The following DAB2IP variants were observed in gnomAD, a reference collection of about 807,000 sequenced individuals.
DAB2IP encodes the protein DAB2 interacting protein, also known as disabled homolog 2-interacting protein.
Under a neutral mutation model 107.2 loss-of-function variants are expected in DAB2IP, and 28 were observed. That is an observed-to-expected ratio of 0.26 (90% confidence interval 0.19 to 0.36). The LOEUF (loss-of-function observed/expected upper bound fraction) is 0.36. Among genes scored for constraint, DAB2IP ranks in the 10% least tolerant of loss-of-function variants. The pLI, the probability that DAB2IP is intolerant of heterozygous loss-of-function variation, is 1.00. For synonymous variants in DAB2IP, 755 were observed against 706.4 expected, an observed-to-expected ratio of 1.07 and a Z score of -1.09; for missense variants, 1,400 against 1,644.7, an observed-to-expected ratio of 0.85 and a Z score of 2.57.
At chr9:121,650,011 TTTTG>T (rs1051848703), upstream of DAB2IP, among the ~76,000 whole-genome samples, 134 of 152,326 alleles carry the variant, frequency 8.8e-4, no homozygotes, top group African/African-American at 2.9e-3. Flanking sequence ...TGTGTGGTTT[TTTTG>T]TTTGTTTGTT....
At chr9:121,607,804 A>G (rs1353843229) in intron 1 of DAB2IP, among the ~76,000 whole-genome samples, 1 of 152,254 alleles carries the variant, frequency 6.6e-6, no homozygotes, top group Non-Finnish European at 1.5e-5. Flanking sequence ...ATAAATAAGC[A>G]GATGAATGAG....
intron 1 of DAB2IP, among the ~76,000 whole-genome samples, chr9:121,572,782 GA>G (rs371866815): frequency 4.0e-4 from 61 of 151,698 alleles, no homozygotes; most frequent in Non-Finnish European, 6.5e-4. Flanking sequence ...ACTCGTACAG[GA>G]GCGGGGGTTG....
intron 10 of DAB2IP, 107 bp downstream of exon 10, chr9:121,768,740 T>C: frequency 7.1e-7 from 1 of 1,407,200 alleles, no homozygotes; most frequent in Non-Finnish European, 9.8e-7. Flanking sequence ...CCAAGTGGCA[T>C]GATCAGGCCA....
chr9:121,753,919 T>C (rs1234494789), intron 3 of DAB2IP, among the ~76,000 whole-genome samples: 1 of 152,080 alleles, frequency 6.6e-6, no homozygotes, highest in African/African-American at 2.4e-5. Context: ...AATGCGCTGC[T>C]TCCCTAGGCT....
intron 1 of DAB2IP, among the ~76,000 whole-genome samples, chr9:121,668,841 A>G (rs1208968785): frequency 6.6e-6 from 1 of 152,080 alleles, no homozygotes; most frequent in Non-Finnish European, 1.5e-5. Context: ...TAAACAAAGT[A>G]AAACATCATA....
exon 8 of DAB2IP, chr9:121,763,826 C>T: frequency 6.2e-7 from 1 of 1,614,128 alleles, no homozygotes. Flanking sequence ...AGCACCAGGG[C>T]AACCTCAAGA....
chr9:121,727,385 A>G (rs989627059), intron 3 of DAB2IP, among the ~76,000 whole-genome samples: 1 of 152,228 alleles, frequency 6.6e-6, no homozygotes, highest in Non-Finnish European at 1.5e-5. Context: ...TGTGAGGATT[A>G]ACATATGTTT....
intron 1 of DAB2IP, among the ~76,000 whole-genome samples, chr9:121,567,923 C>T (rs1210979089): frequency 6.6e-6 from 1 of 152,202 alleles, no homozygotes. Flanking sequence ...GGCTGGGATG[C>T]CCGGCACAGC....
Position 121,763,995 on chromosome 9 carries a change from G to A in DAB2IP, c.1460+116G>A, listed in dbSNP as rs1374042818. On this transcript the variant is annotated intron_variant, in intron 8 of 15. Coordinates refer to ENST00000408936, the Ensembl canonical transcript of DAB2IP. ...GCCCCTGAGTTGTACTGACTTGCCA[G>A]TCCCCTGGCCTAGTCCCTTTTGAGC... 2.8e-6 allele frequency: 4 copies of A among 1,428,932 alleles called. No individual in the cohort carries two copies. In the Admixed American group the frequency reaches 7.9e-5, roughly 28 times the overall value. 88.5% of individuals were successfully genotyped at this position (1,428,932 alleles called of 1,614,324 possible). A position where few individuals can be genotyped will look rare whatever the true frequency, so the allele number is the denominator to read the frequency against.
At chr9:121,596,331 CA>C (rs1830529724) in intron 1 of DAB2IP, among the ~76,000 whole-genome samples, 1 of 151,786 alleles carries the variant, frequency 6.6e-6, no homozygotes. Context: ...AACTCCATCT[CA>C]AAAAAATAAA....
At chr9:121,773,045 G>A (rs1396220897) in exon 12 of DAB2IP, 4 of 1,612,290 alleles carry the variant, frequency 2.5e-6, no homozygotes, top group South Asian at 2.2e-5. Context: ...CGGCTGGCCT[G>A]CCGCTGTCAC....
intron 1 of DAB2IP, among the ~76,000 whole-genome samples, chr9:121,587,366 G>T (rs1194940427): frequency 6.6e-6 from 1 of 152,184 alleles, no homozygotes; most frequent in African/African-American, 2.4e-5. Flanking sequence ...CCAGCACTCT[G>T]GGAGGCTGAG....
intron 3 of DAB2IP, among the ~76,000 whole-genome samples, chr9:121,742,406 G>C (rs2118899583): frequency 6.6e-6 from 1 of 152,314 alleles, no homozygotes; most frequent in East Asian, 1.9e-4. Flanking sequence ...TCCAGCCTGG[G>C]CAACAAGTGT....
chr9:121,650,135 C>G (rs764169588), upstream of DAB2IP, among the ~76,000 whole-genome samples: 21 of 152,206 alleles, frequency 1.4e-4, no homozygotes, highest in Non-Finnish European at 2.4e-4. Context: ...CACCCCTGGC[C>G]TAACCCAAAG....
intron 3 of DAB2IP, among the ~76,000 whole-genome samples, chr9:121,720,579 G>A (rs1293408109): frequency 6.6e-6 from 1 of 152,172 alleles, no homozygotes; most frequent in East Asian, 1.9e-4. Flanking sequence ...GGGAGGGGCA[G>A]AACCAGCCCC....
chr9:121,650,496 G>C (rs954902155), upstream of DAB2IP, among the ~76,000 whole-genome samples: 1 of 152,328 alleles, frequency 6.6e-6, no homozygotes, highest in Non-Finnish European at 1.5e-5. Flanking sequence ...GCCGGCCTCA[G>C]GCACTTGCGG....
intron 10 of DAB2IP, among the ~76,000 whole-genome samples, chr9:121,768,944 G>A (rs1055851379): frequency 3.3e-5 from 5 of 152,200 alleles, no homozygotes; most frequent in African/African-American, 9.7e-5. Context: ...GAATTGGATC[G>A]TGAATCCGCC....
exon 16 of DAB2IP, chr9:121,783,012 A>T: frequency 9.8e-7 from 1 of 1,022,306 alleles, no homozygotes. Context: ...AGGCAGGAAG[A>T]TAGGAGGACA....
intron 8 of DAB2IP, among the ~76,000 whole-genome samples, chr9:121,765,447 C>T (rs1310895557): frequency 6.6e-6 from 1 of 152,210 alleles, no homozygotes; most frequent in African/African-American, 2.4e-5. Flanking sequence ...GGTCAGCCAG[C>T]ATGCATTGCA....
Sources: allele counts gnomAD v4.1 joint callset (sites outside exome capture counted in the v4.1 genomes callset), GRCh38; gene constraint gnomAD v4.1.1; transcripts MANE v1.5; gene names NCBI Gene and HGNC (gene_info 2026-07-23, HGNC 2026-07-21).